ADAM12: variants seen among roughly 807,000 people sequenced by gnomAD.
The protein encoded by ADAM12 is disintegrin and metalloproteinase domain-containing protein 12.
ADAM12 carries 70 observed loss-of-function variants against 106.4 expected under a neutral mutation model. The observed-to-expected ratio is 0.66, with a 90% CI of 0.54 to 0.80. The LOEUF (loss-of-function observed/expected upper bound fraction) is 0.80. Among genes scored for constraint, ADAM12 ranks in the 30% least tolerant of loss-of-function variants. The probability of loss-of-function intolerance (pLI) is 0.00; values close to 1 mark genes in which losing one functional copy is unlikely to be tolerated. For missense variants in ADAM12, 1,010 were observed against 1,171.9 expected (o/e 0.86, Z 2.02); for synonymous variants, 420 against 433.5 (o/e 0.97, Z 0.39).
rs566004637 is a variant in ADAM12, at chr10:126,229,842, C to T, written c.260+49073G>A. ...AATGCTCGAAGGCATGATTGTTAAT[C>T]TCTTACTGATGTCATGCTTCTGCGC... On this transcript the variant is annotated intron_variant, in intron 3 of 22. Transcript: ENST00000448723. Among the ~76,000 whole-genome samples, 16 of 152,272 alleles carry T rather than the reference C, an allele frequency of 1.1e-4. No homozygotes were observed. In the South Asian group the frequency reaches 3.1e-3, roughly 30 times the overall value.
chr10:126,324,944 A>G (rs951322403), intron 2 of ADAM12, among the ~76,000 whole-genome samples: 2 of 151,652 alleles, frequency 1.3e-5, no homozygotes, highest in African/African-American at 4.8e-5. Context: ...CACAGTGGGA[A>G]CTCCACGTGT....
chr10:126,041,477 G>T, intron 18 of ADAM12: 2 of 985,440 alleles, frequency 2.0e-6, no homozygotes, highest in Non-Finnish European at 2.4e-6. Flanking sequence ...CTGGCTTTCT[G>T]CAAACCCTCA....
At chr10:126,299,502 G>C (rs538478173) in intron 2 of ADAM12, among the ~76,000 whole-genome samples, 1 of 152,306 alleles carries the variant, frequency 6.6e-6, no homozygotes, top group East Asian at 1.9e-4. Flanking sequence ...CTACATGGCA[G>C]AGCCAAACCC....
At chr10:126,362,586 T>C (rs1294797265) in intron 1 of ADAM12, among the ~76,000 whole-genome samples, 2 of 152,148 alleles carry the variant, frequency 1.3e-5, no homozygotes, top group Non-Finnish European at 2.9e-5. Context: ...AAATGTAGTA[T>C]ATATACAAAT....
Position 126,162,220 on chromosome 10 carries a change from C to T in ADAM12, c.261-6915G>A, listed in dbSNP as rs74158376. ...GAAAGGCTTCCAACCCAGAAGTCAG[C>T]CTGGGGAGGGGGTGCCCAAGGGAGC... On this transcript the variant is annotated intron_variant, in intron 3 of 22. Transcript: ENST00000448723. Among the ~76,000 whole-genome samples, 836 of 152,060 alleles carry T rather than the reference C, an allele frequency of 5.5e-3. 11 individuals are homozygous for T. Among genetic ancestry groups the T allele is most frequent in the African/African-American group, 0.019 (784 of 41,464 alleles).
intron 3 of ADAM12, among the ~76,000 whole-genome samples, chr10:126,238,575 T>C (rs1244524529): frequency 6.6e-6 from 1 of 152,168 alleles, no homozygotes; most frequent in Non-Finnish European, 1.5e-5. Flanking sequence ...TCTATATGCA[T>C]CCCAAAACTG....
chr10:126,345,606 T>C (rs1855109952), intron 1 of ADAM12, among the ~76,000 whole-genome samples: 1 of 152,200 alleles, frequency 6.6e-6, no homozygotes, highest in South Asian at 2.1e-4. Flanking sequence ...TGGTACCAGC[T>C]CCTCCTTGTA....
intron 3 of ADAM12, among the ~76,000 whole-genome samples, chr10:126,237,045 G>C (rs1958431647): frequency 6.6e-6 from 1 of 152,138 alleles, no homozygotes; most frequent in Non-Finnish European, 1.5e-5. Context: ...CCCTGCCTGG[G>C]CCAGCCTCGC....
chr10:126,236,123 A>T (rs1565157508), intron 3 of ADAM12, among the ~76,000 whole-genome samples: 1 of 152,232 alleles, frequency 6.6e-6, no homozygotes, highest in Non-Finnish European at 1.5e-5. Flanking sequence ...TTTGCGAGTT[A>T]GAAGGGAATG....
intron 4 of ADAM12, among the ~76,000 whole-genome samples, chr10:126,140,797 T>C (rs908246312): frequency 2.6e-5 from 4 of 152,214 alleles, no homozygotes; most frequent in Non-Finnish European, 4.4e-5. Flanking sequence ...ATTTCGCAAC[T>C]CAGCAAGACA....
intron 8 of ADAM12, 88 bp downstream of exon 8, chr10:126,108,505 T>A (rs1017952617): frequency 2.5e-6 from 3 of 1,215,226 alleles, no homozygotes; most frequent in Admixed American, 3.5e-5. Flanking sequence ...CAGAACCTCA[T>A]CTCCTTGCTA....
chr10:126,020,624 T>G (rs1953746458), intron 21 of ADAM12, among the ~76,000 whole-genome samples: 1 of 152,160 alleles, frequency 6.6e-6, no homozygotes, highest in East Asian at 1.9e-4. Context: ...GCATAGGAAG[T>G]TCCCAGCACA....
At chr10:126,112,933 G>A (rs773767245) in intron 6 of ADAM12, among the ~76,000 whole-genome samples, 5 of 151,382 alleles carry the variant, frequency 3.3e-5, no homozygotes, top group Non-Finnish European at 5.9e-5. Flanking sequence ...ACCCATATTC[G>A]GGAAATCCAG....
At chr10:126,339,005 C>T (rs1854821737) in intron 1 of ADAM12, among the ~76,000 whole-genome samples, 1 of 152,222 alleles carries the variant, frequency 6.6e-6, no homozygotes, top group African/African-American at 2.4e-5. Context: ...CACTGGGTAT[C>T]TGTGACCACC....
chr10:126,146,501 C>T (rs906060632), intron 4 of ADAM12, among the ~76,000 whole-genome samples: 10 of 152,144 alleles, frequency 6.6e-5, no homozygotes, highest in Admixed American at 1.3e-4. Context: ...GTCCAGGACA[C>T]ATATCCCTCC....
At chr10:126,153,731 T>A (rs1476732291) in intron 4 of ADAM12, among the ~76,000 whole-genome samples, 1 of 152,202 alleles carries the variant, frequency 6.6e-6, no homozygotes, top group Admixed American at 6.5e-5. Context: ...CATGAGGGCA[T>A]CTCATGTTAT....
At chr10:126,097,871 C>A (rs1343680724) in intron 10 of ADAM12, among the ~76,000 whole-genome samples, 1 of 152,156 alleles carries the variant, frequency 6.6e-6, no homozygotes, top group East Asian at 1.9e-4. Context: ...ACAAAATGGT[C>A]CTTGTAAAGC....
rs186428718 is a variant in ADAM12 at position 126,117,746 on chromosome 10, G to A, written c.603+292C>T. 3.7e-3 allele frequency among the ~76,000 whole-genome samples: 412 copies of A among 111,372 alleles called. 1 individual carries two copies. Among genetic ancestry groups the A allele is most frequent in the Non-Finnish European group, 6.3e-3 (355 of 56,014 alleles). 73.1% of individuals were successfully genotyped at this position (111,372 alleles called of 152,430 possible). A position where few individuals can be genotyped will look rare whatever the true frequency, so the allele number is the denominator to read the frequency against. ...GAGATTCCATGAATCTTGAGCTTGT[G>A]GGGGTAGAAGTTGGGGGGGCGTAAT... On this transcript the variant is annotated intron_variant, in intron 6 of 22. Coordinates refer to ENST00000448723, the MANE Select transcript of ADAM12 (RefSeq NM_001288973.2).
chr10:126,265,014 T>A (rs1460916650), intron 3 of ADAM12, among the ~76,000 whole-genome samples: 11 of 152,226 alleles, frequency 7.2e-5, no homozygotes, highest in African/African-American at 2.4e-4. Flanking sequence ...ATGGGTAATT[T>A]ATGGTTCAAT....
Sources: gnomAD v4.1 joint callset for allele counts (sites outside exome capture counted in the v4.1 genomes callset) on GRCh38, gnomAD v4.1.1 for gene constraint, MANE v1.5 for transcripts, NCBI Gene and HGNC (gene_info 2026-07-23, HGNC 2026-07-21) for gene names.